The following TMEFF2 variants were observed in gnomAD, a reference collection of about 807,000 sequenced individuals.
The protein encoded by TMEFF2 is transmembrane protein with EGF like and two follistatin like domains 2.
Under a neutral mutation model 53.8 loss-of-function variants are expected in TMEFF2, and 28 were observed. The ratio of observed to expected loss-of-function variants is 0.52; its 90% CI spans 0.39 to 0.71. The LOEUF is 0.71. TMEFF2 is among the 30% of genes least tolerant of loss of function. TMEFF2 has a pLI of 0.00. For missense variants in TMEFF2, 353 were observed against 455.2 expected, an observed-to-expected ratio of 0.78 and a Z score of 2.04; for synonymous variants, 162 against 166.3, an observed-to-expected ratio of 0.97 and a Z score of 0.20.
In TMEFF2 at chr2:191,949,120, ATAAT is replaced by A. The variant is rs1181395404; in HGVS notation, c.*1187_*1190del. 1.6e-5 allele frequency: 16 copies of A among 985,082 alleles called. No individual in the cohort carries two copies. Among genetic ancestry groups the A allele is most frequent in the Non-Finnish European group, 1.8e-5 (15 of 829,814 alleles). 61.0% of individuals were successfully genotyped at this position (985,082 alleles called of 1,614,324 possible). A position where few individuals can be genotyped will look rare whatever the true frequency, so the allele number is the denominator to read the frequency against. ...GAAAGCTTTGCAGAGCTAAATGATA[ATAAT>A]TGATTTATTTTCATCTTATTCCTTG... On this transcript the variant is annotated 3_prime_UTR_variant, in exon 10 of 10. Transcript: ENST00000272771.
At chr2:192,075,306 T>A (rs369010873) in intron 4 of TMEFF2, among the ~76,000 whole-genome samples, 44 of 57,706 alleles carry the variant, frequency 7.6e-4, no homozygotes, top group Middle Eastern at 6.6e-3. Context: ...TATATATATA[T>A]ATATATATAT....
At chr2:192,173,584 G>A (rs531172283) in intron 4 of TMEFF2, among the ~76,000 whole-genome samples, 1 of 151,928 alleles carries the variant, frequency 6.6e-6, no homozygotes, top group Non-Finnish European at 1.5e-5. Context: ...TTTCTATAAA[G>A]GCAATATGCC....
intron 4 of TMEFF2, among the ~76,000 whole-genome samples, chr2:192,068,741 C>T (rs921512440): frequency 6.6e-5 from 10 of 151,832 alleles, no homozygotes; most frequent in Non-Finnish European, 1.5e-4. Context: ...CACTATCCAT[C>T]TAAGTCTAAC....
chr2:192,178,723 C>G (rs765175617), intron 4 of TMEFF2: 5 of 151,154 alleles, frequency 3.3e-5, no homozygotes, highest in Non-Finnish European at 5.9e-5. Flanking sequence ...TATCTGCCAC[C>G]CTGAACCCAA....
chr2:192,112,723 C>T (rs1268705223), intron 4 of TMEFF2, among the ~76,000 whole-genome samples: 1 of 152,046 alleles, frequency 6.6e-6, no homozygotes, highest in Admixed American at 6.6e-5. Flanking sequence ...TTGAATTGTA[C>T]CTCCTGTAAT....
chr2:192,038,737 G>A (rs188760439), intron 5 of TMEFF2, among the ~76,000 whole-genome samples: 3 of 152,030 alleles, frequency 2.0e-5, no homozygotes, highest in East Asian at 1.9e-4. Context: ...TACCTGCCTC[G>A]GCCTCCCAAG....
intron 2 of TMEFF2, among the ~76,000 whole-genome samples, chr2:192,184,816 T>C (rs757064462): frequency 2.4e-4 from 36 of 152,100 alleles, no homozygotes; most frequent in Non-Finnish European, 4.1e-4. Flanking sequence ...GTAGCCCATA[T>C]GACTTGATGG....
At chr2:192,165,744 T>TAA (rs5837289) in intron 4 of TMEFF2, among the ~76,000 whole-genome samples, 43 of 144,584 alleles carry the variant, frequency 3.0e-4, no homozygotes, top group African/African-American at 9.8e-4. Context: ...GTCTCCGAGG[T>TAA]AAAAAAAAAA....
chr2:192,108,766 A>C (rs1377311724), intron 4 of TMEFF2, among the ~76,000 whole-genome samples: 3 of 152,068 alleles, frequency 2.0e-5, no homozygotes, highest in African/African-American at 7.2e-5. Context: ...CAGCAGTGTT[A>C]TTCGCAAAAG....
intron 5 of TMEFF2, among the ~76,000 whole-genome samples, chr2:192,016,529 C>A (rs984479815): frequency 6.6e-6 from 1 of 152,200 alleles, no homozygotes; most frequent in African/African-American, 2.4e-5. Flanking sequence ...ACCCTGCTCT[C>A]AGTAGATGAA....
chr2:192,114,160 A>G (rs1000107546), intron 4 of TMEFF2, among the ~76,000 whole-genome samples: 21 of 151,792 alleles, frequency 1.4e-4, no homozygotes, highest in African/African-American at 4.6e-4. Flanking sequence ...ACAAAACCCA[A>G]AAGAAAATAT....
chr2:191,968,731 G>C (rs1692538402), intron 7 of TMEFF2, among the ~76,000 whole-genome samples: 1 of 152,066 alleles, frequency 6.6e-6, no homozygotes, highest in Non-Finnish European at 1.5e-5. Context: ...TGCCAGGAGG[G>C]GACAAGCATT....
At chr2:192,102,957 C>A (rs2105946403) in intron 4 of TMEFF2, among the ~76,000 whole-genome samples, 1 of 151,824 alleles carries the variant, frequency 6.6e-6, no homozygotes, top group Middle Eastern at 3.4e-3. Context: ...TTTCTATGAG[C>A]ATTCCGTGGT....
At chr2:191,986,627 A>C (rs905485692) in intron 7 of TMEFF2, among the ~76,000 whole-genome samples, 1 of 151,506 alleles carries the variant, frequency 6.6e-6, no homozygotes, top group Admixed American at 6.6e-5. Context: ...TGGGAGGCCA[A>C]CGTGGGCAGA....
intron 7 of TMEFF2, among the ~76,000 whole-genome samples, chr2:191,985,208 AAAG>A (rs1274195141): frequency 6.6e-6 from 1 of 152,126 alleles, no homozygotes; most frequent in Non-Finnish European, 1.5e-5. Flanking sequence ...AAAGGAAAAA[AAAG>A]AGATGTAGAT....
At chr2:191,954,112 T>C (rs6714160) in intron 8 of TMEFF2, among the ~76,000 whole-genome samples, 42,898 of 151,716 alleles carry the variant, frequency 0.28, 6,229 homozygotes, top group African/African-American at 0.31. Context: ...TGGTCTCGAT[T>C]TCCTGACCTC....
chr2:192,179,815 T>C (rs1473462732), intron 3 of TMEFF2, 121 bp from the exon 4 acceptor site: 9 of 784,330 alleles, frequency 1.1e-5, no homozygotes, highest in Non-Finnish European at 1.7e-5. Context: ...AAAATACTAA[T>C]ATTTAATCCA....
At chr2:191,991,199 A>T (rs1686096416) in intron 7 of TMEFF2, among the ~76,000 whole-genome samples, 1 of 152,116 alleles carries the variant, frequency 6.6e-6, no homozygotes, top group African/African-American at 2.4e-5. Flanking sequence ...TTATAGATGA[A>T]TTAAAAAGTC....
At chr2:192,187,910 T>C (rs1381876096) in intron 2 of TMEFF2, among the ~76,000 whole-genome samples, 2 of 152,194 alleles carry the variant, frequency 1.3e-5, no homozygotes, top group African/African-American at 2.4e-5. Flanking sequence ...TACAGGTTTT[T>C]TGAGCTGAGA....
Sources: allele counts gnomAD v4.1 joint callset (sites outside exome capture counted in the v4.1 genomes callset), GRCh38; gene constraint gnomAD v4.1.1; transcripts MANE v1.5; gene names NCBI Gene and HGNC (gene_info 2026-07-23, HGNC 2026-07-21).